CLASP1: variants seen among roughly 807,000 people sequenced by gnomAD.
The protein encoded by CLASP1 is cytoplasmic linker associated protein 1, also known as CLIP-associating protein 1.
A neutral mutation model predicts 192.3 loss-of-function variants in CLASP1; 38 were observed. The ratio of observed to expected loss-of-function variants is 0.20; its 90% CI spans 0.15 to 0.26. The LOEUF (loss-of-function observed/expected upper bound fraction) is 0.26. Ranked by LOEUF, CLASP1 falls within the 10% of genes least tolerant of loss-of-function variation. The probability of loss-of-function intolerance (pLI) is 1.00; values close to 1 mark genes in which losing one functional copy is unlikely to be tolerated. For synonymous variants in CLASP1, 691 were observed against 712.8 expected (o/e 0.97, Z 0.49); for missense variants, 1,433 against 1,932.5 (o/e 0.74, Z 4.85).
chr2:121,387,083 G>A (rs562601952), intron 32 of CLASP1, 39 bp downstream of exon 33: 58 of 1,523,850 alleles, frequency 3.8e-5, no homozygotes, highest in Admixed American at 1.9e-4. Flanking sequence ...AGGTGCTTTA[G>A]TTTCTTTACA....
intron 1 of CLASP1, among the ~76,000 whole-genome samples, chr2:121,646,880 A>AC (rs2073264184): frequency 6.6e-6 from 1 of 151,674 alleles, no homozygotes; most frequent in African/African-American, 2.4e-5. Flanking sequence ...TACTAAGAAA[A>AC]CGCAAAAAAA....
At chr2:121,384,077 CAT>C (rs1380388473) in intron 32 of CLASP1, among the ~76,000 whole-genome samples, 38 of 130,792 alleles carry the variant, frequency 2.9e-4, no homozygotes, top group African/African-American at 4.7e-4. Context: ...TACACACACA[CAT>C]ATATATGTAT....
chr2:121,341,391 C>A (rs1417572841), intron 39 of CLASP1, among the ~76,000 whole-genome samples: 1 of 152,254 alleles, frequency 6.6e-6, no homozygotes, highest in Non-Finnish European at 1.5e-5. Context: ...CTAACCTTCA[C>A]ACCTTTAGCC....
intron 26 of CLASP1, chr2:121,403,878 C>A (rs2076513784): frequency 6.7e-6 from 3 of 446,880 alleles, no homozygotes; most frequent in Non-Finnish European, 1.3e-5. Flanking sequence ...TTCTTGGTAA[C>A]AGCAAAATCC....
chr2:121,470,780 A>G (rs547893710), intron 8 of CLASP1: 2 of 334,550 alleles, frequency 6.0e-6, no homozygotes, highest in South Asian at 5.0e-5. Context: ...ATAAATGTAC[A>G]TTTCTCCTAG....
chr2:121,544,353 A>G (rs2095289590), intron 2 of CLASP1, among the ~76,000 whole-genome samples: 1 of 148,530 alleles, frequency 6.7e-6, no homozygotes, highest in Non-Finnish European at 1.5e-5. Context: ...CCTTCCACTG[A>G]TTTTTCTCAG....
At chr2:121,630,384 AC>A (rs1559818721) in intron 1 of CLASP1, among the ~76,000 whole-genome samples, 2 of 9,588 alleles carry the variant, frequency 2.1e-4, no homozygotes, top group African/African-American at 3.2e-4. Context: ...GGAAAGAAAC[AC>A]ACACACACAC....
At chr2:121,548,678 T>C (rs2057707738) in intron 2 of CLASP1, among the ~76,000 whole-genome samples, 1 of 151,882 alleles carries the variant, frequency 6.6e-6, no homozygotes, top group African/African-American at 2.4e-5. Context: ...GCAGGTCACC[T>C]ACAAAGGGAA....
At chr2:121,585,606 A>G (rs575105506) in intron 2 of CLASP1, among the ~76,000 whole-genome samples, 4 of 152,346 alleles carry the variant, frequency 2.6e-5, no homozygotes, top group African/African-American at 9.6e-5. Context: ...CAGTCTATAA[A>G]AATAAGTCTT....
intron 8 of CLASP1, among the ~76,000 whole-genome samples, chr2:121,475,719 T>C (rs2091510937): frequency 6.6e-6 from 1 of 152,224 alleles, no homozygotes; most frequent in African/African-American, 2.4e-5. Context: ...ATTACATCAA[T>C]TTTAACATTT....
At chr2:121,521,181 G>T (rs1331788352) in intron 6 of CLASP1, among the ~76,000 whole-genome samples, 3 of 152,116 alleles carry the variant, frequency 2.0e-5, no homozygotes, top group Admixed American at 6.5e-5. Flanking sequence ...AATAAATGTG[G>T]TCTAAGATTT....
intron 8 of CLASP1, among the ~76,000 whole-genome samples, chr2:121,486,596 T>C (rs1428981563): frequency 6.6e-6 from 1 of 152,216 alleles, no homozygotes. Context: ...ATTTTAATTA[T>C]CACTGTAGCA....
intron 15 of CLASP1, 79 bp downstream of exon 15, chr2:121,451,711 G>T: frequency 9.0e-7 from 1 of 1,106,694 alleles, no homozygotes; most frequent in Non-Finnish European, 1.3e-6. Context: ...CTTACAGAAA[G>T]CCAGCTGGAC....
intron 27 of CLASP1, 93 bp downstream of exon 28, chr2:121,401,775 T>C: frequency 1.0e-6 from 1 of 975,500 alleles, no homozygotes; most frequent in African/African-American, 1.6e-5. Context: ...CCCAGACTCT[T>C]GTAACTTAGG....
chr2:121,464,716 T>C (rs899742012), intron 9 of CLASP1, among the ~76,000 whole-genome samples: 1 of 152,200 alleles, frequency 6.6e-6, no homozygotes, highest in African/African-American at 2.4e-5. Context: ...CTTGTAAATT[T>C]GTTTGAGTTC....
intron 6 of CLASP1, among the ~76,000 whole-genome samples, chr2:121,517,857 G>GTTTTT (rs1559495604): frequency 2.0e-4 from 12 of 60,628 alleles, no homozygotes; most frequent in African/African-American, 1.5e-3. Flanking sequence ...CAAGACTCAA[G>GTTTTT]CTTTTTTTTT....
At chr2:121,410,414 G>A (rs979849833) in intron 24 of CLASP1, among the ~76,000 whole-genome samples, 2 of 151,738 alleles carry the variant, frequency 1.3e-5, no homozygotes, top group Non-Finnish European at 2.9e-5. Context: ...CAAGATAATA[G>A]AATAAATGCA....
intron 2 of CLASP1, among the ~76,000 whole-genome samples, chr2:121,549,862 C>T (rs1274898093): frequency 6.6e-6 from 1 of 151,798 alleles, no homozygotes; most frequent in Non-Finnish European, 1.5e-5. Context: ...AAAAATTAGC[C>T]AGGCGTGGTG....
intron 7 of CLASP1, among the ~76,000 whole-genome samples, chr2:121,515,365 G>C (rs1268095416): frequency 6.6e-6 from 1 of 152,130 alleles, no homozygotes; most frequent in Non-Finnish European, 1.5e-5. Context: ...CAGAATCATA[G>C]ATACAGAACC....
Sources: gnomAD v4.1 joint callset for allele counts (sites outside exome capture counted in the v4.1 genomes callset) on GRCh38, gnomAD v4.1.1 for gene constraint, MANE v1.5 for transcripts, NCBI Gene and HGNC (gene_info 2026-07-23, HGNC 2026-07-21) for gene names.